The following TMEM132D variants were observed in gnomAD, a reference collection of about 807,000 sequenced individuals.
TMEM132D encodes the protein transmembrane protein 132D.
In TMEM132D, 21 loss-of-function variants were observed where a neutral mutation model predicts 62.3. The ratio of observed to expected loss-of-function variants is 0.34; its 90% CI spans 0.24 to 0.49. TMEM132D has a LOEUF of 0.49. Among genes scored for constraint, TMEM132D ranks in the 20% least tolerant of loss-of-function variants. The pLI is 0.99. For synonymous variants in TMEM132D, 621 were observed against 575.6 expected (o/e 1.08, Z -1.13); for missense variants, 1,346 against 1,402.8 (o/e 0.96, Z 0.65).
chr12:129,244,978 T>G (rs1026350433), intron 4 of TMEM132D, among the ~76,000 whole-genome samples: 1 of 152,176 alleles, frequency 6.6e-6, no homozygotes, highest in African/African-American at 2.4e-5. Context: ...CTCACAGAAT[T>G]TAACAGGAGC....
chr12:129,173,485 T>C (rs1877796804), intron 5 of TMEM132D, among the ~76,000 whole-genome samples: 1 of 152,250 alleles, frequency 6.6e-6, no homozygotes, highest in African/African-American at 2.4e-5. Context: ...AGTCATGCTT[T>C]TTCTCACCAA....
At chr12:129,335,830 G>T (rs772803609) in intron 4 of TMEM132D, among the ~76,000 whole-genome samples, 7 of 152,182 alleles carry the variant, frequency 4.6e-5, no homozygotes, top group Non-Finnish European at 8.8e-5. Flanking sequence ...ACTAAGTTTT[G>T]GTGAATTGGA....
intron 3 of TMEM132D, among the ~76,000 whole-genome samples, chr12:129,367,182 C>T (rs1299616135): frequency 2.6e-5 from 4 of 152,176 alleles, no homozygotes; most frequent in Non-Finnish European, 4.4e-5. Context: ...GTACAATTGA[C>T]GCCTTCATTT....
chr12:129,468,197 G>GTGTGTC (rs960695097), intron 3 of TMEM132D, among the ~76,000 whole-genome samples: 8 of 151,940 alleles, frequency 5.3e-5, no homozygotes, highest in African/African-American at 1.9e-4. Flanking sequence ...GTGTGTGTGT[G>GTGTGTC]TGTGTGTTTT....
intron 4 of TMEM132D, among the ~76,000 whole-genome samples, chr12:129,222,745 TG>T (rs1276984315): frequency 1.3e-4 from 20 of 152,148 alleles, no homozygotes; most frequent in Admixed American, 1.3e-3. Flanking sequence ...TGCCAGGAAC[TG>T]GGTGAGGTGT....
At position 129,375,663 on chromosome 12, in the gene TMEM132D, C is replaced by T. The variant is rs147050732; in HGVS notation, c.1116-37846G>A. Among the ~76,000 whole-genome samples the T allele has an allele frequency of 5.4e-3, 818 of 152,188 alleles. 12 individuals carry two copies. Among genetic ancestry groups the T allele is most frequent in the African/African-American group, 0.019 (773 of 41,500 alleles). ...TCAGTTGTCCTCAACCTGGACGGTC[C>T]AGTAGAATCATACACCAGGACATCA... On this transcript the variant is annotated intron_variant, in intron 3 of 8. Transcript: ENST00000422113.
chr12:129,130,584 T>C (rs1032123773), intron 5 of TMEM132D, among the ~76,000 whole-genome samples: 1 of 152,124 alleles, frequency 6.6e-6, no homozygotes, highest in Admixed American at 6.5e-5. Flanking sequence ...CTTTTTCCAA[T>C]GGAACTTACA....
chr12:129,131,105 G>A (rs1429725595), intron 5 of TMEM132D, among the ~76,000 whole-genome samples: 1 of 152,066 alleles, frequency 6.6e-6, no homozygotes, highest in African/African-American at 2.4e-5. Flanking sequence ...GATCAAAAAG[G>A]GTACTAATGA....
At chr12:129,093,149 C>A (rs933235796) in intron 5 of TMEM132D, among the ~76,000 whole-genome samples, 1 of 152,160 alleles carries the variant, frequency 6.6e-6, no homozygotes, top group Non-Finnish European at 1.5e-5. Context: ...AGGGACATGC[C>A]ACAGATGGGC....
chr12:129,118,857 C>T (rs895832527), intron 5 of TMEM132D, among the ~76,000 whole-genome samples: 3 of 152,168 alleles, frequency 2.0e-5, no homozygotes, highest in Admixed American at 1.3e-4. Flanking sequence ...GAGGGAAGAA[C>T]TTCAAGGAAA....
chr12:129,581,914 C>G (rs1593074785), intron 2 of TMEM132D, among the ~76,000 whole-genome samples: 1 of 152,306 alleles, frequency 6.6e-6, no homozygotes, highest in African/African-American at 2.4e-5. Context: ...CAGACTGAGA[C>G]AGTCAAAAAC....
At position 129,623,254 on chromosome 12, in the gene TMEM132D, T is replaced by C. The variant is rs142599040; in HGVS notation, c.968+76556A>G. Among the ~76,000 whole-genome samples the C allele has an allele frequency of 2.6e-3, 401 of 152,314 alleles. 1 individual carries two copies. The highest frequency in any genetic ancestry group is 9.1e-3 in the African/African-American group (380 of 41,566). On this transcript the variant is annotated intron_variant, in intron 2 of 8. Coordinates refer to ENST00000422113, the MANE Select transcript of TMEM132D (RefSeq NM_133448.3). ...TTAGCACTTTTTGTTACTGTGTTGT[T>C]CCTCTGGGTGAATTCTTTGCTTTTT... is the stretch of plus-strand genomic sequence containing the variant.
chr12:129,566,751 T>C (rs1175897859), intron 2 of TMEM132D, among the ~76,000 whole-genome samples: 2 of 152,224 alleles, frequency 1.3e-5, no homozygotes, highest in African/African-American at 4.8e-5. Flanking sequence ...CACCATTTTA[T>C]GTCTGATAAA....
At chr12:129,207,061 C>T (rs182546932) in intron 5 of TMEM132D, among the ~76,000 whole-genome samples, 82 of 152,116 alleles carry the variant, frequency 5.4e-4, no homozygotes, top group African/African-American at 1.9e-3. Context: ...CGCAGGTGAC[C>T]TATTAATATA....
intron 2 of TMEM132D, among the ~76,000 whole-genome samples, chr12:129,598,758 G>A (rs77618608): frequency 2.0e-5 from 3 of 152,102 alleles, no homozygotes; most frequent in South Asian, 2.1e-4. Context: ...TTTTGGTAAC[G>A]ATTGCAGAAA....
At chr12:129,654,744 G>C (rs965425581) in intron 2 of TMEM132D, among the ~76,000 whole-genome samples, 24 of 152,172 alleles carry the variant, frequency 1.6e-4, no homozygotes, top group Admixed American at 2.0e-4. Context: ...GGTCTATTTA[G>C]GGCTTCTCCT....
chr12:129,761,318 T>C (rs370432317), intron 1 of TMEM132D, among the ~76,000 whole-genome samples: 13 of 151,970 alleles, frequency 8.6e-5, no homozygotes, highest in East Asian at 5.8e-4. Flanking sequence ...TGCACACTTC[T>C]GGAGGCGGGT....
Position 129,687,931 on chromosome 12 carries a change from T to C in TMEM132D, c.968+11879A>G, listed in dbSNP as rs530695203. ...CAGACCCAGTACAAATTCAGGAAAA[T>C]GGTAGGCACTCACTGTTATTACATT... On this transcript the variant is annotated intron_variant, in intron 2 of 8. Coordinates refer to ENST00000422113, the MANE Select transcript of TMEM132D (RefSeq NM_133448.3). Among the ~76,000 whole-genome samples the C allele has an allele frequency of 4.6e-5, 7 of 152,100 alleles. No homozygotes were observed. In the South Asian group the frequency reaches 1.2e-3, roughly 27 times the overall value.
intron 5 of TMEM132D, among the ~76,000 whole-genome samples, chr12:129,185,947 C>T (rs1393784192): frequency 2.0e-5 from 3 of 152,190 alleles, no homozygotes; most frequent in Middle Eastern, 3.2e-3. Context: ...GCTCTGACAA[C>T]ACCCTGGAAA....
Sources: allele counts gnomAD v4.1 joint callset (sites outside exome capture counted in the v4.1 genomes callset), GRCh38; gene constraint gnomAD v4.1.1; transcripts MANE v1.5; gene names NCBI Gene and HGNC (gene_info 2026-07-23, HGNC 2026-07-21).